HECW2: variants seen among roughly 807,000 people sequenced by gnomAD.
HECW2 encodes the protein HECT, C2 and WW domain containing E3 ubiquitin protein ligase 2.
In HECW2, 61 loss-of-function variants were observed where a neutral mutation model predicts 175.2. That is an observed-to-expected ratio of 0.35 (90% CI 0.28 to 0.43). The LOEUF (loss-of-function observed/expected upper bound fraction) is 0.43. Among genes scored for constraint, HECW2 ranks in the 20% least tolerant of loss-of-function variants. HECW2 has a pLI of 1.00. For synonymous variants in HECW2, 671 were observed against 731.0 expected (o/e 0.92, Z 1.32); for missense variants, 1,524 against 2,000.5 (o/e 0.76, Z 4.54).
In HECW2 at chr2:196,412,578, G is replaced by A. The variant is rs561453687; in HGVS notation, c.292+20554C>T. 2.6e-5 allele frequency among the ~76,000 whole-genome samples: 4 copies of A among 152,332 alleles called. No homozygotes were observed. The South Asian group carries it at 8.3e-4, about 32-fold the overall frequency. ...GGACACATTCAGAACACCCTTTAGG[G>A]AATGTAATCAAATGATAAACTCTTT... On this transcript the variant is annotated intron_variant, in intron 2 of 28. Coordinates refer to ENST00000644978, the MANE Select transcript of HECW2 (RefSeq NM_001348768.2).
intron 15 of HECW2, among the ~76,000 whole-genome samples, chr2:196,274,611 T>C (rs1193809495): frequency 1.3e-5 from 2 of 152,214 alleles, no homozygotes; most frequent in African/African-American, 2.4e-5. Flanking sequence ...GCAATCTTCA[T>C]GTGGGGTTTC....
chr2:196,581,119 G>A (rs1253717867), intron 1 of HECW2, among the ~76,000 whole-genome samples: 1 of 152,204 alleles, frequency 6.6e-6, no homozygotes, highest in Non-Finnish European at 1.5e-5. Flanking sequence ...GTTAATAAGA[G>A]TTTGGGAGCA....
intron 13 of HECW2, 77 bp from the exon 14 acceptor site, chr2:196,292,827 G>T (rs1177248652): frequency 8.9e-7 from 1 of 1,121,074 alleles, no homozygotes. Flanking sequence ...ACATGGGTAT[G>T]GCTAATCTTC....
At chr2:196,250,396 G>A (rs1253868827) in intron 19 of HECW2, among the ~76,000 whole-genome samples, 1 of 152,208 alleles carries the variant, frequency 6.6e-6, no homozygotes, top group African/African-American at 2.4e-5. Flanking sequence ...GAAAGAAAAA[G>A]CGACACATTA....
chr2:196,296,488 A>G (rs540479134), intron 13 of HECW2, among the ~76,000 whole-genome samples: 4 of 152,316 alleles, frequency 2.6e-5, no homozygotes, highest in African/African-American at 9.6e-5. Flanking sequence ...ACAGATAAAG[A>G]AAGTGGCAAA....
intron 1 of HECW2, among the ~76,000 whole-genome samples, chr2:196,466,240 G>T (rs1696948196): frequency 1.3e-5 from 2 of 152,150 alleles, no homozygotes; most frequent in African/African-American, 4.8e-5. Flanking sequence ...GAAAGTGGAG[G>T]ATCCCTTTCA....
At chr2:196,454,922 G>A (rs1422001636) in intron 1 of HECW2, among the ~76,000 whole-genome samples, 1 of 152,158 alleles carries the variant, frequency 6.6e-6, no homozygotes, top group Non-Finnish European at 1.5e-5. Flanking sequence ...CTTAATAAGT[G>A]TGTACTTATT....
intron 21 of HECW2, among the ~76,000 whole-genome samples, chr2:196,232,349 G>A (rs949636401): frequency 5.9e-5 from 9 of 152,120 alleles, no homozygotes; most frequent in Admixed American, 2.6e-4. Flanking sequence ...CTATGTGCCT[G>A]CCTCCCCTAT....
At chr2:196,219,230 G>A (rs904555303) in intron 26 of HECW2, among the ~76,000 whole-genome samples, 5 of 152,152 alleles carry the variant, frequency 3.3e-5, no homozygotes, top group Admixed American at 1.3e-4. Flanking sequence ...AAACCCAAAG[G>A]AGAAAACAAC....
chr2:196,414,702 G>T (rs1422080534), intron 2 of HECW2, among the ~76,000 whole-genome samples: 2 of 152,096 alleles, frequency 1.3e-5, no homozygotes, highest in African/African-American at 4.8e-5. Context: ...TCAGCCCCTG[G>T]GGACTCCTTT....
intron 1 of HECW2, among the ~76,000 whole-genome samples, chr2:196,580,690 A>C (rs1051471033): frequency 9.9e-5 from 15 of 151,784 alleles, no homozygotes; most frequent in Non-Finnish European, 2.2e-4. Flanking sequence ...AGGTGGAGAA[A>C]CTGGAGCTCT....
Position 196,491,499 on chromosome 2 carries a change from TATACAC to T in HECW2, c.-35-58047_-35-58042del, listed in dbSNP as rs757438530. Among the ~76,000 whole-genome samples the T allele has an allele frequency of 3.8e-3, 508 of 131,990 alleles. 4 individuals carry two copies. The highest frequency in any genetic ancestry group is 0.015 in the African/African-American group (425 of 27,928). The allele number at this position is 131,990 out of a possible 152,430, so 86.6% of individuals were successfully genotyped here. A position where few individuals can be genotyped will look rare whatever the true frequency, so the allele number is the denominator to read the frequency against. Reference sequence around the variant, plus strand: ...ATATATATATATACACATATATATATATACACACACACACACACACACACACATATA... The same window carrying T: ...ATATATATATATACACATATATATATACACACACACACACACACACATATA... On this transcript the variant is annotated intron_variant, in intron 1 of 28. Coordinates refer to ENST00000644978, the MANE Select transcript of HECW2 (RefSeq NM_001348768.2).
chr2:196,210,987 G>A (rs1194906485), intron 28 of HECW2, among the ~76,000 whole-genome samples: 1 of 152,102 alleles, frequency 6.6e-6, no homozygotes, highest in African/African-American at 2.4e-5. Flanking sequence ...ATCTTTTAAA[G>A]TTCTATTCCA....
Position 196,320,384 on chromosome 2 carries a change from C to A in HECW2, c.940G>T (p.Gly314Trp). ...ACCTCCACTTTAAACTGGAGGTACC[C>A]ACTCACGTGGTCAGCTGGGAGCCTT... The part of the protein sequence containing the change: ...GRRLPADHVS[G>W]YLQFKVEVTS... The change falls in exon 8 of 29, where the codon GGG becomes TGG. Residue 314 changes from glycine to tryptophan, a missense_variant. Around this residue, in one of 11 missense-constraint regions of HECW2, gnomAD observed 604 missense variants for 588.3 expected, o/e 1.03. Transcript: ENST00000644978. The A allele has an allele frequency of 1.2e-6, 2 of 1,613,048 alleles. No individual in the cohort carries two copies. The highest frequency in any genetic ancestry group is 1.7e-6 in the Non-Finnish European group (2 of 1,179,242).
chr2:196,325,303 A>G (rs1187397899), intron 5 of HECW2, among the ~76,000 whole-genome samples, 154 bp from the exon 6 acceptor site: 2 of 152,218 alleles, frequency 1.3e-5, no homozygotes, highest in African/African-American at 4.8e-5. Context: ...GTTCTTAAAT[A>G]AACACACAGG....
At chr2:196,316,881 C>G (rs958112559) in intron 10 of HECW2, 1 of 162,068 alleles carries the variant, frequency 6.2e-6, no homozygotes, top group Non-Finnish European at 1.4e-5. Context: ...TGTAAGTGAA[C>G]AAAAAGGCAG....
rs563254949 is a variant in HECW2 at position 196,477,624 on chromosome 2, G to A, written c.-35-44166C>T. 5.9e-5 allele frequency among the ~76,000 whole-genome samples: 9 copies of A among 152,268 alleles called. No homozygotes were observed. In the South Asian group the frequency reaches 1.9e-3, roughly 32 times the overall value. On this transcript the variant is annotated intron_variant, in intron 1 of 28. Transcript: ENST00000644978. The stretch of plus-strand genomic sequence containing the variant: ...TTCAAATAATCACAAAAATCTGAAT[G>A]AGTGCTACATATTTCTTTTACATGA...
chr2:196,265,607 G>C (rs1419276320), intron 17 of HECW2, among the ~76,000 whole-genome samples: 1 of 152,158 alleles, frequency 6.6e-6, no homozygotes, highest in Non-Finnish European at 1.5e-5. Context: ...TTTAGAATTA[G>C]AGTAAGTTTA....
intron 2 of HECW2, among the ~76,000 whole-genome samples, chr2:196,414,831 A>G (rs922644563): frequency 9.2e-5 from 14 of 152,176 alleles, no homozygotes; most frequent in Non-Finnish European, 1.9e-4. Flanking sequence ...TATTGTCAGC[A>G]CAGCCCCTCT....
Sources: gnomAD v4.1 joint callset for allele counts (sites outside exome capture counted in the v4.1 genomes callset) on GRCh38, gnomAD v4.1.1 for gene constraint, gnomAD v4.1.1 regional missense constraint, MANE v1.5 for transcripts, NCBI Gene and HGNC (gene_info 2026-07-23, HGNC 2026-07-21) for gene names.